Variants in WWOX observed in about 807,000 individuals in gnomAD.
The protein encoded by WWOX is WW domain-containing oxidoreductase.
Under a neutral mutation model 46.2 loss-of-function variants are expected in WWOX, and 69 were observed. That is an observed-to-expected ratio of 1.49 (90% CI 1.23 to 1.82). The LOEUF (loss-of-function observed/expected upper bound fraction) is 1.82. Ranked by LOEUF, WWOX falls within the 40% of genes most tolerant of loss-of-function variation. The probability of loss-of-function intolerance (pLI) is 0.00; values close to 1 mark genes in which losing one functional copy is unlikely to be tolerated. For synonymous variants in WWOX, 359 were observed against 202.6 expected (o/e 1.77, Z -6.56); for missense variants, 919 against 542.6 (o/e 1.69, Z -6.89).
chr16:78,732,351 G>A (rs1301588882), intron 8 of WWOX, among the ~76,000 whole-genome samples: 2 of 152,068 alleles, frequency 1.3e-5, no homozygotes, highest in African/African-American at 4.8e-5. Context: ...TCTAGCGTAG[G>A]TAGGAAGACC....
At chr16:78,109,537 G>T (rs972015709) in intron 2 of WWOX, among the ~76,000 whole-genome samples, 1 of 152,202 alleles carries the variant, frequency 6.6e-6, no homozygotes, top group African/African-American at 2.4e-5. Flanking sequence ...TTTATAGAGC[G>T]ATCAGGAATA....
intron 8 of WWOX, among the ~76,000 whole-genome samples, chr16:78,584,338 C>T (rs1382083156): frequency 6.6e-6 from 1 of 152,190 alleles, no homozygotes; most frequent in Non-Finnish European, 1.5e-5. Context: ...AAGGTGTTTG[C>T]ATTTTGGAGA....
chr16:78,190,013 G>A (rs755602703), intron 5 of WWOX, among the ~76,000 whole-genome samples: 2 of 152,044 alleles, frequency 1.3e-5, no homozygotes, highest in Non-Finnish European at 2.9e-5. Flanking sequence ...TCCTATTGTG[G>A]CAGCTGTTAT....
intron 6 of WWOX, among the ~76,000 whole-genome samples, chr16:78,413,207 G>C (rs540247504): frequency 6.6e-6 from 1 of 152,202 alleles, no homozygotes; most frequent in Admixed American, 6.5e-5. Context: ...AGAATTCAGG[G>C]ATCGGAGTCT....
At chr16:78,697,395 C>T (rs977409521) in intron 8 of WWOX, among the ~76,000 whole-genome samples, 1 of 152,098 alleles carries the variant, frequency 6.6e-6, no homozygotes, top group Non-Finnish European at 1.5e-5. Flanking sequence ...GCAACAAAAA[C>T]AAATAGGTGG....
At chr16:78,751,459 T>TCATATA (rs2049474716) in intron 8 of WWOX, among the ~76,000 whole-genome samples, 1 of 62,564 alleles carries the variant, frequency 1.6e-5, no homozygotes, top group African/African-American at 6.4e-5. Context: ...ATTTATCAGA[T>TCATATA]TTTATATATA....
At chr16:79,053,774 G>T (rs1041768732) in intron 8 of WWOX, among the ~76,000 whole-genome samples, 1 of 152,122 alleles carries the variant, frequency 6.6e-6, no homozygotes. Flanking sequence ...TTATGCAAAT[G>T]AAAACCATTA....
Position 79,212,114 on chromosome 16 carries a change from T to C in WWOX, c.*318T>C. On this transcript the variant is annotated 3_prime_UTR_variant, in exon 9 of 9. Transcript: ENST00000566780. ...GAAGCACCAGCAATTCTCTTTCTTT[T>C]ACTGTTATAGAATAGCCTGAGGTCC... is the stretch of plus-strand genomic sequence containing the variant. 1.3e-6 allele frequency: 2 copies of C among 1,535,722 alleles called. No individual in the cohort carries two copies. The highest frequency in any genetic ancestry group is 2.4e-5 in the East Asian group (1 of 40,912).
At chr16:78,691,219 G>T (rs1286591002) in intron 8 of WWOX, 1 of 701,980 alleles carries the variant, frequency 1.4e-6, no homozygotes, top group East Asian at 2.7e-5. Context: ...TTTTAGCTAT[G>T]CTTCTCTTGT....
Position 78,829,397 on chromosome 16 carries a change from A to G in WWOX, c.1057-382211A>G, listed in dbSNP as rs577055235. ...TTTATTCGGGCCTTCAACAGATTAG[A>G]TGAGATCCACCCCTACAGGGCAGGG... On this transcript the variant is annotated intron_variant, in intron 8 of 8. Coordinates refer to ENST00000566780, the MANE Select transcript of WWOX (RefSeq NM_016373.4). Among the ~76,000 whole-genome samples, 508 of 152,242 alleles carry G rather than the reference A, an allele frequency of 3.3e-3. 2 individuals carry two copies. The highest frequency in any genetic ancestry group is 6.0e-3 in the South Asian group (29 of 4,814).
chr16:79,035,676 G>A (rs530702205), intron 8 of WWOX, among the ~76,000 whole-genome samples: 2 of 152,226 alleles, frequency 1.3e-5, no homozygotes, highest in South Asian at 4.2e-4. Context: ...GTAGCTGGGA[G>A]TACAAGTGTG....
rs372284525 is a variant in WWOX at position 79,096,077 on chromosome 16, A to G, written c.1057-115531A>G. ...AAGATGGGGTTTCACCATGTTGTCA[A>G]GGCTGGTCTAAAACTCCTGACCTCA... is the stretch of plus-strand genomic sequence containing the variant. On this transcript the variant is annotated intron_variant, in intron 8 of 8. Coordinates refer to ENST00000566780, the MANE Select transcript of WWOX (RefSeq NM_016373.4). 2.4e-4 allele frequency among the ~76,000 whole-genome samples: 32 copies of G among 134,032 alleles called. 3 individuals are homozygous for G. The highest frequency in any genetic ancestry group is 6.2e-4 in the African/African-American group (21 of 34,048). 87.9% of individuals were successfully genotyped at this position (134,032 alleles called of 152,430 possible).
chr16:78,499,200 C>T (rs1270343730), intron 8 of WWOX, among the ~76,000 whole-genome samples: 2 of 152,022 alleles, frequency 1.3e-5, no homozygotes, highest in Non-Finnish European at 2.9e-5. Context: ...TCCACGCTGG[C>T]CCTAGCTCAG....
At chr16:78,852,802 C>T (rs915887576) in intron 8 of WWOX, among the ~76,000 whole-genome samples, 2 of 152,218 alleles carry the variant, frequency 1.3e-5, no homozygotes, top group African/African-American at 4.8e-5. Context: ...ATGGTTCCAC[C>T]TGTTTCTTGA....
chr16:78,654,881 T>C (rs1555510934), intron 8 of WWOX, among the ~76,000 whole-genome samples: 1 of 152,136 alleles, frequency 6.6e-6, no homozygotes, highest in South Asian at 2.1e-4. Context: ...TTTTTCTTGG[T>C]GGGGGGGATG....
intron 8 of WWOX, among the ~76,000 whole-genome samples, chr16:79,211,196 C>T (rs559078688): frequency 2.2e-4 from 34 of 152,234 alleles, no homozygotes; most frequent in African/African-American, 8.2e-4. Context: ...GTTTGTCAGA[C>T]AGAAGGTTCT....
chr16:78,901,787 C>T (rs2044837670), intron 8 of WWOX, among the ~76,000 whole-genome samples: 1 of 152,216 alleles, frequency 6.6e-6, no homozygotes, highest in South Asian at 2.1e-4. Flanking sequence ...CTGCGCCTAG[C>T]GAGGTAGTCA....
chr16:78,190,654 T>G (rs2035856183), intron 5 of WWOX, among the ~76,000 whole-genome samples: 1 of 152,156 alleles, frequency 6.6e-6, no homozygotes. Flanking sequence ...CTGACTGTAA[T>G]CACACTGGCA....
chr16:78,958,772 G>C (rs959901797), intron 8 of WWOX, among the ~76,000 whole-genome samples: 8 of 152,314 alleles, frequency 5.3e-5, no homozygotes, highest in Non-Finnish European at 2.9e-5. Flanking sequence ...TGCCACTTTG[G>C]ATAGTTTAAT....
Sources: allele counts gnomAD v4.1 joint callset (sites outside exome capture counted in the v4.1 genomes callset), GRCh38; gene constraint gnomAD v4.1.1; transcripts MANE v1.5; gene names NCBI Gene and HGNC (gene_info 2026-07-23, HGNC 2026-07-21).